The following NDUFA9 variants were observed in gnomAD, a reference collection of about 807,000 sequenced individuals.
NDUFA9 encodes the protein NADH dehydrogenase [ubiquinone] 1 alpha subcomplex subunit 9, mitochondrial.
Under a neutral mutation model 45.9 loss-of-function variants are expected in NDUFA9, and 23 were observed. The observed-to-expected ratio is 0.50, with a 90% CI of 0.36 to 0.71. The LOEUF (loss-of-function observed/expected upper bound fraction) is 0.71. NDUFA9 is among the 30% of genes least tolerant of loss of function. NDUFA9 has a pLI of 0.00. For synonymous variants in NDUFA9, 176 were observed against 170.5 expected (o/e 1.03, Z -0.25); for missense variants, 466 against 488.2 (o/e 0.95, Z 0.43).
chr12:4,658,110 TC>T (rs1945802124), intron 4 of NDUFA9, among the ~76,000 whole-genome samples: 1 of 152,216 alleles, frequency 6.6e-6, no homozygotes, highest in Non-Finnish European at 1.5e-5. Context: ...CTTGGATCAG[TC>T]CCTATGGGAT....
At chr12:4,670,139 T>C (rs1037592301) in intron 8 of NDUFA9, among the ~76,000 whole-genome samples, 1 of 152,160 alleles carries the variant, frequency 6.6e-6, no homozygotes, top group Non-Finnish European at 1.5e-5. Flanking sequence ...AAAACACTTT[T>C]AGGGAGTAAG....
rs577344280 is a variant in NDUFA9 at position 4,675,055 on chromosome 12, C to T, written c.800+5238C>T. ...CTACATGGAAACTGAACAACCTGCT[C>T]CTGAATGACTACGGGCTAAATAATG... On this transcript the variant is annotated intron_variant, in intron 8 of 10. Coordinates refer to ENST00000266544, the MANE Select transcript of NDUFA9 (RefSeq NM_005002.5). Among the ~76,000 whole-genome samples, 5 of 152,298 alleles carry T rather than the reference C, an allele frequency of 3.3e-5. No homozygotes were observed. The East Asian group carries it at 7.7e-4, about 23-fold the overall frequency.
At chr12:4,653,679 G>A (rs1591541856) in intron 1 of NDUFA9, 1 of 418,946 alleles carries the variant, frequency 2.4e-6, no homozygotes, top group Non-Finnish European at 4.7e-6. Flanking sequence ...TGGTTTTATA[G>A]TAAGTCTGAA....
intron 7 of NDUFA9, 76 bp from the exon 8 acceptor site, chr12:4,669,665 T>G (rs1945874731): frequency 6.3e-6 from 6 of 957,728 alleles, no homozygotes; most frequent in Non-Finnish European, 9.8e-6. Flanking sequence ...TCTTCTTTCC[T>G]TTCTTTCTAT....
chr12:4,654,603 T>G (rs527679033), intron 2 of NDUFA9, 141 bp downstream of exon 2: 8 of 1,058,204 alleles, frequency 7.6e-6, no homozygotes, highest in Non-Finnish European at 1.1e-5. Context: ...TTATTTGTTG[T>G]GACATGAAGA....
rs566079974 is a variant in NDUFA9, at chr12:4,657,909, C to A, written c.410+70C>A. On this transcript the variant is annotated intron_variant, in intron 4 of 10. Coordinates refer to ENST00000266544, the MANE Select transcript of NDUFA9 (RefSeq NM_005002.5). ...GGGTTTAATGGACCTTCGCTGGGCACCTTTTATGTGCCAGCTATCACAGTG... is the reference window on the plus strand; with the variant it reads ...GGGTTTAATGGACCTTCGCTGGGCAACTTTTATGTGCCAGCTATCACAGTG... 6 of 1,181,094 alleles carry A rather than the reference C, an allele frequency of 5.1e-6. No homozygotes were observed. In the East Asian group the frequency reaches 9.3e-5, roughly 18 times the overall value. 73.2% of individuals were successfully genotyped at this position (1,181,094 alleles called of 1,614,324 possible).
At chr12:4,677,839 G>T (rs995912235) in intron 8 of NDUFA9, among the ~76,000 whole-genome samples, 9 of 152,126 alleles carry the variant, frequency 5.9e-5, no homozygotes, top group Admixed American at 1.3e-4. Flanking sequence ...ACATGCACAC[G>T]TATGTTTATT....
At chr12:4,685,424 G>C (rs1412947000) in intron 10 of NDUFA9, 99 bp downstream of exon 10, 5 of 1,107,530 alleles carry the variant, frequency 4.5e-6, no homozygotes, top group Non-Finnish European at 5.3e-6. Flanking sequence ...TTGTCTGTTT[G>C]CTGTTCTTGC....
At chr12:4,672,011 G>A (rs1237197677) in intron 8 of NDUFA9, among the ~76,000 whole-genome samples, 3 of 152,200 alleles carry the variant, frequency 2.0e-5, no homozygotes, top group Non-Finnish European at 2.9e-5. Flanking sequence ...CACAGAAGGC[G>A]AGTGATTTCT....
At chr12:4,671,537 A>G (rs1945887062) in intron 8 of NDUFA9, among the ~76,000 whole-genome samples, 1 of 152,308 alleles carries the variant, frequency 6.6e-6, no homozygotes, top group East Asian at 1.9e-4. Flanking sequence ...AAATTGATTG[A>G]CAAATTCAAC....
chr12:4,663,516 A>ATC (rs1326491210), intron 6 of NDUFA9, among the ~76,000 whole-genome samples: 1 of 152,122 alleles, frequency 6.6e-6, no homozygotes, highest in East Asian at 1.9e-4. Flanking sequence ...AAAAAGAGAG[A>ATC]TCTCTCTCTC....
Position 4,693,825 on chromosome 12 carries a change from A to G in NDUFA9, c.*6717A>G, listed in dbSNP as rs1433030832. The G allele has an allele frequency of 6.6e-6, 1 of 152,246 alleles. No individual in the cohort carries two copies. Among genetic ancestry groups the G allele is most frequent in the Admixed American group, 6.5e-5 (1 of 15,288 alleles). The allele number at this position is 152,246 out of a possible 1,614,324, so 9.4% of individuals were successfully genotyped here. A position where few individuals can be genotyped will look rare whatever the true frequency, so the allele number is the denominator to read the frequency against. On this transcript the variant is annotated 3_prime_UTR_variant, in exon 11 of 11. Transcript: ENST00000266544. Reference sequence around the variant, plus strand: ...AAGCAGTAGTAAGAAATTTGAATTAAGGAATCGTAAGGGAATCGAGATTAT... The same window carrying G: ...AAGCAGTAGTAAGAAATTTGAATTAGGGAATCGTAAGGGAATCGAGATTAT...
chr12:4,661,318 A>T (rs1330142119), intron 5 of NDUFA9, among the ~76,000 whole-genome samples: 2 of 152,166 alleles, frequency 1.3e-5, no homozygotes, highest in Non-Finnish European at 2.9e-5. Flanking sequence ...AAAGAAAGGG[A>T]TGTCTGAAAT....
At chr12:4,653,082 C>A (rs1031387556) in intron 1 of NDUFA9, among the ~76,000 whole-genome samples, 1 of 152,242 alleles carries the variant, frequency 6.6e-6, no homozygotes, top group Non-Finnish European at 1.5e-5. Context: ...GCACTTTAAA[C>A]CTTTTTGTTT....
chr12:4,659,722 A>G (rs1377902995), intron 5 of NDUFA9, among the ~76,000 whole-genome samples: 1 of 152,142 alleles, frequency 6.6e-6, no homozygotes, highest in Non-Finnish European at 1.5e-5. Flanking sequence ...GCCTAAGTGA[A>G]ACGTGTTCAT....
intron 9 of NDUFA9, among the ~76,000 whole-genome samples, chr12:4,683,981 A>G (rs1945968982): frequency 6.6e-6 from 1 of 152,220 alleles, no homozygotes; most frequent in South Asian, 2.1e-4. Context: ...CGTGAAAGGG[A>G]TATAAGCCAG....
rs2137493922 is a variant in NDUFA9, at chr12:4,691,269, C to T, written c.*4161C>T. ...ATAATAAGAACTAAGTAAATGTGAG[C>T]CATTATCATTTAAGTAGGGAATATC... On this transcript the variant is annotated 3_prime_UTR_variant, in exon 11 of 11. Coordinates refer to ENST00000266544, the MANE Select transcript of NDUFA9 (RefSeq NM_005002.5). 6.6e-6 allele frequency: 1 copy of T among 152,284 alleles called. No homozygotes were observed. Among genetic ancestry groups the T allele is most frequent in the East Asian group, 1.9e-4 (1 of 5,182 alleles). The allele number at this position is 152,284 out of a possible 1,614,324, so 9.4% of individuals were successfully genotyped here. A position where few individuals can be genotyped will look rare whatever the true frequency, so the allele number is the denominator to read the frequency against.
At chr12:4,652,532 C>T (rs1169422373) in intron 1 of NDUFA9, among the ~76,000 whole-genome samples, 1 of 152,196 alleles carries the variant, frequency 6.6e-6, no homozygotes, top group Admixed American at 6.5e-5. Context: ...GTCCTCTGTC[C>T]TCTTCCTACT....
At chr12:4,676,357 G>C (rs1388229182) in intron 8 of NDUFA9, among the ~76,000 whole-genome samples, 2 of 152,188 alleles carry the variant, frequency 1.3e-5, no homozygotes, top group Non-Finnish European at 2.9e-5. Context: ...AATTGTCTCT[G>C]TTTGCAGATG....
Sources: gnomAD v4.1 joint callset for allele counts (sites outside exome capture counted in the v4.1 genomes callset) on GRCh38, gnomAD v4.1.1 for gene constraint, MANE v1.5 for transcripts, NCBI Gene and HGNC (gene_info 2026-07-23, HGNC 2026-07-21) for gene names.